Variants in STX16 observed in about 807,000 individuals in gnomAD.
STX16 encodes the protein syntaxin-16.
Under a neutral mutation model 42.7 loss-of-function variants are expected in STX16, and 28 were observed. The observed-to-expected ratio is 0.66, with a 90% CI of 0.49 to 0.90. STX16 has a LOEUF of 0.90. Ranked by LOEUF, STX16 falls within the 40% of genes least tolerant of loss-of-function variation. The probability of loss-of-function intolerance (pLI) is 0.00; values close to 1 mark genes in which losing one functional copy is unlikely to be tolerated. For synonymous variants in STX16, 156 were observed against 155.2 expected (o/e 1.00, Z -0.04); for missense variants, 361 against 420.9 (o/e 0.86, Z 1.24).
At chr20:58,673,246 C>G (rs2084024022) in intron 7 of STX16, among the ~76,000 whole-genome samples, 1 of 152,196 alleles carries the variant, frequency 6.6e-6, no homozygotes, top group South Asian at 2.1e-4. Flanking sequence ...TCTCTGCTTA[C>G]TTGAATCCAA....
chr20:58,679,248 G>C lies in STX16; in HGVS notation c.*2957G>C, dbSNP rs2084213587. ...ATTCACTGTTTTCTCTGCTAATTGA[G>C]AGAGCGTTATTTACATTATTTATTT... On this transcript the variant is annotated 3_prime_UTR_variant, in exon 9 of 9. Transcript: ENST00000371141. 6.6e-6 allele frequency: 1 copy of C among 152,578 alleles called. No individual in the cohort carries two copies. Among genetic ancestry groups the C allele is most frequent in the Non-Finnish European group, 1.5e-5 (1 of 68,044 alleles). The allele number at this position is 152,578 out of a possible 1,614,324, so 9.5% of individuals were successfully genotyped here.
chr20:58,653,470 C>T (rs2083518904), intron 1 of STX16, among the ~76,000 whole-genome samples: 1 of 152,116 alleles, frequency 6.6e-6, no homozygotes, highest in Non-Finnish European at 1.5e-5. Flanking sequence ...GAACTAGGGA[C>T]AGAGTGTGTG....
At chr20:58,668,196 T>C in intron 4 of STX16, 69 bp downstream of exon 4, 21 of 1,576,690 alleles carry the variant, frequency 1.3e-5, no homozygotes, top group Non-Finnish European at 1.7e-5. Context: ...AACTAGAGTG[T>C]TACTCAGAAT....
rs1202974434 is a variant in STX16, at chr20:58,659,644, T to G, written c.144+10T>G. On this transcript the variant is annotated intron_variant, in intron 2 of 8. Coordinates refer to ENST00000371141, the MANE Select transcript of STX16 (RefSeq NM_001001433.3). ...TCAGGAGCTGGACGAGGTATTGTGT[T>G]TTGAATATTTTTATATGTTGGGTAA... The G allele has an allele frequency of 1.9e-6, 3 of 1,612,460 alleles. No individual in the cohort carries two copies. Among genetic ancestry groups the G allele is most frequent in the Non-Finnish European group, 2.5e-6 (3 of 1,179,542 alleles).
At chr20:58,671,450 G>A (rs1285704795) in intron 7 of STX16, among the ~76,000 whole-genome samples, 153 bp downstream of exon 7, 30 of 130,922 alleles carry the variant, frequency 2.3e-4, no homozygotes, top group Middle Eastern at 4.3e-3. Flanking sequence ...GTGTGTGTGT[G>A]TGTGTGTGTG....
chr20:58,670,881 G>A (rs1315679328), intron 6 of STX16, among the ~76,000 whole-genome samples: 2 of 152,156 alleles, frequency 1.3e-5, no homozygotes, highest in East Asian at 1.9e-4. Flanking sequence ...GGGCTATCCC[G>A]GGGGTTTTGT....
At chr20:58,654,438 C>G (rs147710534) in intron 1 of STX16, among the ~76,000 whole-genome samples, 3 of 152,154 alleles carry the variant, frequency 2.0e-5, no homozygotes, top group Non-Finnish European at 2.9e-5. Flanking sequence ...ACAGGTGATT[C>G]GTAACAAAAT....
At chr20:58,652,683 G>GC (rs1356873783) in intron 1 of STX16, among the ~76,000 whole-genome samples, 2 of 151,998 alleles carry the variant, frequency 1.3e-5, no homozygotes, top group Admixed American at 1.3e-4. Flanking sequence ...CCTCTGTGTG[G>GC]CCTTGTTCCC....
At chr20:58,652,575 C>T (rs2083494570) in intron 1 of STX16, among the ~76,000 whole-genome samples, 1 of 149,506 alleles carries the variant, frequency 6.7e-6, no homozygotes, top group Admixed American at 6.7e-5. Context: ...CAAATCCTTG[C>T]AAAATGAACG....
At chr20:58,661,882 G>A (rs1469492675) in intron 2 of STX16, among the ~76,000 whole-genome samples, 1 of 152,228 alleles carries the variant, frequency 6.6e-6, no homozygotes, top group Non-Finnish European at 1.5e-5. Flanking sequence ...GTCCCTGAGT[G>A]AATATCACTT....
chr20:58,668,007 G>C lies in STX16; in HGVS notation c.273G>C (p.Arg91=), dbSNP rs2083877524. The part of the protein sequence containing the change: ...GVDEIQYDVG[R]IKQKMKELAS... ...CTTAGATTCAGTATGATGTTGGCCG[G>C]ATTAAGCAGAAGATGAAAGAATTGG... is the stretch of plus-strand genomic sequence containing the variant. Residue 91 remains arginine, a synonymous_variant, in exon 4 of 9, where the codon CGG becomes CGC. Coordinates refer to ENST00000371141, the MANE Select transcript of STX16 (RefSeq NM_001001433.3). 3.7e-6 allele frequency: 6 copies of C among 1,614,110 alleles called. No homozygotes were observed. In the South Asian group the frequency reaches 6.6e-5, roughly 18 times the overall value.
intron 2 of STX16, among the ~76,000 whole-genome samples, chr20:58,662,954 A>G (rs1414160471): frequency 6.6e-6 from 1 of 152,226 alleles, no homozygotes; most frequent in Admixed American, 6.5e-5. Flanking sequence ...TTTTATCCAC[A>G]TGCTTATTCA....
chr20:58,663,942 TG>T (rs2083759399), intron 2 of STX16, among the ~76,000 whole-genome samples: 1 of 152,182 alleles, frequency 6.6e-6, no homozygotes, highest in African/African-American at 2.4e-5. Context: ...CCTCCCAAAG[TG>T]CTGGGATTAC....
At chr20:58,660,818 G>T (rs980707060) in intron 2 of STX16, among the ~76,000 whole-genome samples, 1 of 148,122 alleles carries the variant, frequency 6.8e-6, no homozygotes, top group Non-Finnish European at 1.5e-5. Context: ...GTTAACAGTG[G>T]ATACACCCCA....
rs188975381 is a variant in STX16, at chr20:58,657,738, G to C, written c.133-1885G>C. 4.1e-4 allele frequency among the ~76,000 whole-genome samples: 62 copies of C among 152,274 alleles called. No homozygotes were observed. Among genetic ancestry groups the C allele is most frequent in the African/African-American group, 1.3e-3 (54 of 41,556 alleles). ...AATTCAGGTCTTGACTAAATTTCCT[G>C]GTAATTTGGTGGCAGACAGAATTTT... On this transcript the variant is annotated intron_variant, in intron 1 of 8. Transcript: ENST00000371141. This position sits in a 1 kb window ranked among gnomAD's most constrained non-coding sequence, Gnocchi z 4.2.
At chr20:58,669,762 T>C (rs2083927227) in intron 5 of STX16, among the ~76,000 whole-genome samples, 1 of 152,218 alleles carries the variant, frequency 6.6e-6, no homozygotes, top group Admixed American at 6.5e-5. Flanking sequence ...TAAAAACCTG[T>C]TGTTTTCTGG....
In STX16 at chr20:58,651,915, G is replaced by A. The variant is rs2083464674; in HGVS notation, c.-92G>A. Reference sequence around the variant, plus strand: ...CTTGTCGAGAAGCTTCCGTGAAAGGGTGGGCCAGCCGGGCCACGAGAAAGA... The same window carrying A: ...CTTGTCGAGAAGCTTCCGTGAAAGGATGGGCCAGCCGGGCCACGAGAAAGA... On this transcript the variant is annotated 5_prime_UTR_variant, in exon 1 of 9. The change creates a new upstream start codon in the 5' untranslated region. Coordinates refer to ENST00000371141, the MANE Select transcript of STX16 (RefSeq NM_001001433.3). The A allele has an allele frequency of 6.4e-6, 9 of 1,411,806 alleles. No individual in the cohort carries two copies. Among genetic ancestry groups the A allele is most frequent in the Middle Eastern group, 1.9e-4 (1 of 5,330 alleles). The allele number at this position is 1,411,806 out of a possible 1,614,324, so 87.5% of individuals were successfully genotyped here. A position where few individuals can be genotyped will look rare whatever the true frequency, so the allele number is the denominator to read the frequency against.
chr20:58,652,405 T>G, intron 1 of STX16: 1 of 510,610 alleles, frequency 2.0e-6, no homozygotes, highest in Non-Finnish European at 3.5e-6. Context: ...TTGGCGTCAC[T>G]GCGCTACAGG....
At chr20:58,668,160 G>GCGAGC (rs1452196671) in intron 4 of STX16, 33 bp downstream of exon 4, 10 of 1,611,938 alleles carry the variant, frequency 6.2e-6, no homozygotes, top group Non-Finnish European at 8.5e-6. Flanking sequence ...GGGGAAACCA[G>GCGAGC]CGAGCCTTCT....
Sources: allele counts gnomAD v4.1 joint callset (sites outside exome capture counted in the v4.1 genomes callset), GRCh38; gene constraint gnomAD v4.1.1; non-coding constraint Gnocchi (gnomAD v3.1); transcripts MANE v1.5; gene names NCBI Gene and HGNC (gene_info 2026-07-23, HGNC 2026-07-21).